AEBP2: variants seen among roughly 807,000 people sequenced by gnomAD.
AEBP2 encodes AE binding protein 2, also known as zinc finger protein AEBP2.
AEBP2 carries 10 observed loss-of-function variants against 50.8 expected under a neutral mutation model. That is an observed-to-expected ratio of 0.20 (90% confidence interval 0.12 to 0.33). The LOEUF is 0.33. Ranked by LOEUF, AEBP2 falls within the 10% of genes least tolerant of loss-of-function variation. The pLI is 1.00. For missense variants in AEBP2, 570 were observed against 688.0 expected (o/e 0.83, Z 1.92); for synonymous variants, 296 against 261.3 (o/e 1.13, Z -1.28).
At chr12:19,412,516 G>GATCT (rs1338125253) in intron 1 of AEBP2, among the ~76,000 whole-genome samples, 1 of 152,036 alleles carries the variant, frequency 6.6e-6, no homozygotes, top group Non-Finnish European at 1.5e-5. Context: ...TTGACCTCTT[G>GATCT]ATCTGCCCAC....
At chr12:19,463,207 C>T (rs902174512) in intron 2 of AEBP2, among the ~76,000 whole-genome samples, 3 of 152,174 alleles carry the variant, frequency 2.0e-5, no homozygotes, top group Non-Finnish European at 4.4e-5. Flanking sequence ...CTTGTCAGAG[C>T]TGATTTAGAT....
chr12:19,493,737 T>C (rs1948928539), intron 3 of AEBP2, 63 bp from the exon 4 acceptor site: 2 of 1,468,658 alleles, frequency 1.4e-6, no homozygotes, highest in Non-Finnish European at 1.9e-6. Context: ...TATTCACTCA[T>C]TGATATTCTT....
At chr12:19,501,065 C>T (rs569617440) in intron 5 of AEBP2, among the ~76,000 whole-genome samples, 3 of 152,300 alleles carry the variant, frequency 2.0e-5, no homozygotes, top group South Asian at 2.1e-4. Context: ...CGTGGTGGCT[C>T]ATGCCTGTAA....
In AEBP2 at chr12:19,447,618, A is replaced by G. The variant is rs531460236; in HGVS notation, c.671+7248A>G. Among the ~76,000 whole-genome samples the G allele has an allele frequency of 2.6e-5, 4 of 152,326 alleles. No individual in the cohort carries two copies. In the East Asian group the frequency reaches 7.7e-4, roughly 29 times the overall value. On this transcript the variant is annotated intron_variant, in intron 1 of 7. Transcript: ENST00000266508. Reference sequence around the variant, plus strand: ...TCAGAAGTTGCTTCCTTATCTGTAAAATAGGAGCAGTGTTAGGATTAAGTG... The same window carrying G: ...TCAGAAGTTGCTTCCTTATCTGTAAGATAGGAGCAGTGTTAGGATTAAGTG...
chr12:19,415,696 C>A (rs1036026275), intron 1 of AEBP2, among the ~76,000 whole-genome samples: 1 of 151,684 alleles, frequency 6.6e-6, no homozygotes, highest in Admixed American at 6.6e-5. Flanking sequence ...CAATACAATA[C>A]AATACAATAC....
intron 1 of AEBP2, among the ~76,000 whole-genome samples, chr12:19,447,001 G>A (rs1416339264): frequency 6.6e-6 from 1 of 152,172 alleles, no homozygotes; most frequent in African/African-American, 2.4e-5. Flanking sequence ...TTTTGTGTGG[G>A]AAGGGGGACA....
At chr12:19,415,327 AAAAAAAAAAAAAAAAAAAAAAAAATATAT>A (rs2095741675) in intron 1 of AEBP2, among the ~76,000 whole-genome samples, 1 of 34,624 alleles carries the variant, frequency 2.9e-5, no homozygotes, top group African/African-American at 1.1e-4. Context: ...AAAAAAAAAA[AAAAAAAAAAAAAAAAAAAAAAAAATATAT>A]ATATATATAT....
At chr12:19,511,435 C>G (rs1311918708) in intron 5 of AEBP2, among the ~76,000 whole-genome samples, 2 of 152,154 alleles carry the variant, frequency 1.3e-5, no homozygotes, top group African/African-American at 4.8e-5. Context: ...CATGAAATAG[C>G]TGAGGCCTAG....
chr12:19,497,328 G>GATTTTTTTT (rs1555186666), intron 4 of AEBP2, among the ~76,000 whole-genome samples: 3 of 78,710 alleles, frequency 3.8e-5, no homozygotes, highest in Admixed American at 2.0e-4. Flanking sequence ...TTCCAAAGGT[G>GATTTTTTTT]TTTTTTTTTT....
At chr12:19,464,239 T>C (rs1948431096) in intron 2 of AEBP2, among the ~76,000 whole-genome samples, 2 of 152,244 alleles carry the variant, frequency 1.3e-5, no homozygotes, top group African/African-American at 4.8e-5. Flanking sequence ...ATATGTCAGA[T>C]ACTTAGTGTG....
chr12:19,452,961 C>CTTTTTTTTTTTTTTTTTTTT (rs34876719), intron 1 of AEBP2, among the ~76,000 whole-genome samples: 1 of 106,900 alleles, frequency 9.4e-6, no homozygotes, highest in African/African-American at 3.5e-5. Context: ...GACTTACGTT[C>CTTTTTTTTTTTTTTTTTTTT]TTTTTTTTTT....
chr12:19,462,782 A>C (rs943682290), intron 2 of AEBP2, 65 bp downstream of exon 2: 16 of 1,420,636 alleles, frequency 1.1e-5, no homozygotes, highest in Admixed American at 2.5e-5. Flanking sequence ...TATAATTGCT[A>C]GTTAGGCTTT....
At chr12:19,457,662 G>A (rs907267489) in intron 1 of AEBP2, 29 of 1,355,808 alleles carry the variant, frequency 2.1e-5, no homozygotes, top group Non-Finnish European at 2.8e-5. Flanking sequence ...GGCTTTTAGG[G>A]GTAGTTTTCA....
At chr12:19,513,769 G>C (rs1210644189) in intron 6 of AEBP2, among the ~76,000 whole-genome samples, 1 of 151,920 alleles carries the variant, frequency 6.6e-6, no homozygotes, top group South Asian at 2.1e-4. Context: ...GTTCAAAAAA[G>C]TCAAATTCAA....
At chr12:19,510,138 A>G (rs1340916804) in intron 5 of AEBP2, among the ~76,000 whole-genome samples, 1 of 152,188 alleles carries the variant, frequency 6.6e-6, no homozygotes, top group Non-Finnish European at 1.5e-5. Flanking sequence ...ACTGCATAGT[A>G]TTCCAGTATA....
intron 1 of AEBP2, among the ~76,000 whole-genome samples, chr12:19,461,181 T>G (rs980714658): frequency 6.6e-6 from 1 of 152,202 alleles, no homozygotes; most frequent in Admixed American, 6.6e-5. Context: ...TTGACTTGTG[T>G]TGTTTCTTAA....
In AEBP2 at chr12:19,498,075, C is replaced by T. The variant is rs187532943; in HGVS notation, c.1175-2022C>T. ...GAATGCATAGGCTGAAGATTGAGGA[C>T]TCCTTTCATTATTGTGAATTTAAGT... On this transcript the variant is annotated intron_variant, in intron 4 of 7. Transcript: ENST00000266508. 1.6e-4 allele frequency among the ~76,000 whole-genome samples: 25 copies of T among 152,294 alleles called. No homozygotes were observed. The East Asian group carries it at 4.4e-3, about 27-fold the overall frequency.
intron 1 of AEBP2, among the ~76,000 whole-genome samples, chr12:19,421,214 G>C (rs1393903378): frequency 6.6e-6 from 1 of 151,568 alleles, no homozygotes; most frequent in African/African-American, 2.4e-5. Context: ...CGTAGTGCTG[G>C]ACACCTGTAA....
intron 5 of AEBP2, among the ~76,000 whole-genome samples, chr12:19,505,044 T>C (rs144942372): frequency 4.6e-5 from 7 of 152,264 alleles, no homozygotes; most frequent in Admixed American, 1.3e-4. Flanking sequence ...ACATAGGAAA[T>C]ACATTTATCT....
Sources: allele counts gnomAD v4.1 joint callset (sites outside exome capture counted in the v4.1 genomes callset), GRCh38; gene constraint gnomAD v4.1.1; transcripts MANE v1.5; gene names NCBI Gene and HGNC (gene_info 2026-07-23, HGNC 2026-07-21).